The following NTM variants were observed in gnomAD, a reference collection of about 807,000 sequenced individuals.
The protein encoded by NTM is IgLON family member 2.
NTM carries 13 observed loss-of-function variants against 42.1 expected under a neutral mutation model. That is an observed-to-expected ratio of 0.31 (90% CI 0.20 to 0.49). The LOEUF is 0.49. Ranked by LOEUF, NTM falls within the 20% of genes least tolerant of loss-of-function variation. The probability of loss-of-function intolerance (pLI) is 0.99; values close to 1 mark genes in which losing one functional copy is unlikely to be tolerated. For missense variants in NTM, 373 were observed against 452.8 expected (o/e 0.82, Z 1.60); for synonymous variants, 187 against 179.2 (o/e 1.04, Z -0.35).
At chr11:131,742,063 G>T (rs1252693577) in intron 1 of NTM, among the ~76,000 whole-genome samples, 1 of 152,118 alleles carries the variant, frequency 6.6e-6, no homozygotes, top group African/African-American at 2.4e-5. Context: ...CACACACTGG[G>T]GCCTATTGGA....
intron 1 of NTM, among the ~76,000 whole-genome samples, chr11:131,608,845 G>T (rs560356588): frequency 6.6e-6 from 1 of 152,128 alleles, no homozygotes; most frequent in Non-Finnish European, 1.5e-5. Context: ...CTTCAGGGAC[G>T]CTGGATTCAA....
chr11:131,775,608 G>A (rs1228601315), intron 1 of NTM, among the ~76,000 whole-genome samples: 1 of 152,118 alleles, frequency 6.6e-6, no homozygotes, highest in Non-Finnish European at 1.5e-5. Flanking sequence ...ATCTCTTCTG[G>A]ATACTAGTTT....
intron 1 of NTM, among the ~76,000 whole-genome samples, chr11:131,666,170 C>T (rs1327712505): frequency 6.6e-6 from 1 of 152,138 alleles, no homozygotes; most frequent in Non-Finnish European, 1.5e-5. Flanking sequence ...ATTCCTCAAC[C>T]CATGGTCAAG....
intron 4 of NTM, among the ~76,000 whole-genome samples, chr11:132,214,719 A>G (rs943400698): frequency 2.6e-5 from 4 of 152,100 alleles, no homozygotes; most frequent in Non-Finnish European, 5.9e-5. Context: ...TGACCATCGA[A>G]CAGATTCATT....
intron 1 of NTM, among the ~76,000 whole-genome samples, chr11:131,557,364 C>A (rs959437509): frequency 1.3e-5 from 2 of 152,164 alleles, no homozygotes; most frequent in African/African-American, 4.8e-5. Flanking sequence ...CTGTGAAAGA[C>A]ACTTGACATT....
chr11:132,300,289 G>A (rs1362804022), intron 4 of NTM, among the ~76,000 whole-genome samples: 1 of 152,170 alleles, frequency 6.6e-6, no homozygotes, highest in Non-Finnish European at 1.5e-5. Flanking sequence ...TGATAGCTAC[G>A]ATTTCCTGAG....
At chr11:132,220,343 C>T (rs1303448218) in intron 4 of NTM, among the ~76,000 whole-genome samples, 2 of 152,188 alleles carry the variant, frequency 1.3e-5, no homozygotes, top group East Asian at 1.9e-4. Context: ...CACTCTTTAA[C>T]TCTGTCATTC....
chr11:132,021,602 T>C (rs117500890), intron 2 of NTM, among the ~76,000 whole-genome samples: 7,611 of 152,324 alleles, frequency 0.05, 265 homozygotes, highest in Non-Finnish European at 0.074. Flanking sequence ...TTCTTTGCTA[T>C]GCATGAACAG....
At chr11:131,690,816 G>T (rs181646161) in intron 1 of NTM, among the ~76,000 whole-genome samples, 245 of 152,328 alleles carry the variant, frequency 1.6e-3, no homozygotes, top group African/African-American at 5.7e-3. Context: ...CCAGCCTGAG[G>T]CACACGGCGG....
At chr11:132,310,058 A>C in intron 5 of NTM, 54 bp from the exon 6 acceptor site, 1 of 331,532 alleles carries the variant, frequency 3.0e-6, no homozygotes, top group Non-Finnish European at 4.7e-6. Context: ...CTCCATCTCA[A>C]AAAAAAAAAA....
intron 1 of NTM, among the ~76,000 whole-genome samples, chr11:131,612,582 A>G (rs2061548269): frequency 6.6e-6 from 1 of 152,276 alleles, no homozygotes; most frequent in Non-Finnish European, 1.5e-5. Context: ...GATGCATATT[A>G]GATGTCAAAC....
At chr11:132,116,340 T>C (rs1159457966) in intron 2 of NTM, among the ~76,000 whole-genome samples, 3 of 152,298 alleles carry the variant, frequency 2.0e-5, no homozygotes, top group African/African-American at 7.2e-5. Flanking sequence ...TGGGAGACAC[T>C]GCCCATAGAT....
At chr11:132,082,672 G>C (rs1302474417) in intron 2 of NTM, among the ~76,000 whole-genome samples, 1 of 152,150 alleles carries the variant, frequency 6.6e-6, no homozygotes, top group African/African-American at 2.4e-5. Context: ...ACATATAACT[G>C]CTGTTAGAAT....
chr11:131,879,741 T>C (rs2049171831), intron 1 of NTM, among the ~76,000 whole-genome samples: 1 of 63,908 alleles, frequency 1.6e-5, no homozygotes, highest in Non-Finnish European at 3.0e-5. Flanking sequence ...GTGGATAAAC[T>C]TCCAAAAAAT....
chr11:131,476,088 G>T (rs1025981239), intron 1 of NTM, among the ~76,000 whole-genome samples: 3 of 151,894 alleles, frequency 2.0e-5, no homozygotes, highest in African/African-American at 7.3e-5. Context: ...GGAAAGGAGG[G>T]AGGAAAGCCT....
intron 4 of NTM, among the ~76,000 whole-genome samples, chr11:132,224,011 T>C (rs1438863126): frequency 6.6e-6 from 1 of 152,160 alleles, no homozygotes; most frequent in Non-Finnish European, 1.5e-5. Flanking sequence ...CTTGAGGGAC[T>C]CAGGATATCA....
intron 3 of NTM, among the ~76,000 whole-genome samples, chr11:132,192,488 C>T (rs919540549): frequency 6.6e-6 from 1 of 152,116 alleles, no homozygotes; most frequent in South Asian, 2.1e-4. Context: ...ACCACCAGGC[C>T]TACTTCACAA....
intron 3 of NTM, among the ~76,000 whole-genome samples, chr11:132,171,670 A>G (rs900257565): frequency 2.0e-5 from 3 of 151,968 alleles, no homozygotes; most frequent in African/African-American, 4.8e-5. Context: ...GAATGCCTCT[A>G]TTTTCTCTTT....
chr11:131,549,143 C>T lies in NTM; in HGVS notation c.82+178255C>T, dbSNP rs79807711. Among the ~76,000 whole-genome samples, 53 of 152,256 alleles carry T rather than the reference C, an allele frequency of 3.5e-4. 1 individual carries two copies. The East Asian group carries it at 9.9e-3, about 28-fold the overall frequency. On this transcript the variant is annotated intron_variant, in intron 1 of 8. Transcript: ENST00000683400. The stretch of plus-strand genomic sequence containing the variant: ...AGAAAACATAGAAACAGTTTAGAGG[C>T]CGGCTGGGGAAGAAAGCTGTATCTT...
Sources: allele counts gnomAD v4.1 joint callset (sites outside exome capture counted in the v4.1 genomes callset), GRCh38; gene constraint gnomAD v4.1.1; transcripts MANE v1.5; gene names NCBI Gene and HGNC (gene_info 2026-07-23, HGNC 2026-07-21).